Variants in GPBP1 observed in about 807,000 individuals in gnomAD.
GPBP1 encodes the protein vasculin.
In GPBP1, 13 loss-of-function variants were observed where a neutral mutation model predicts 56.5. That is an observed-to-expected ratio of 0.23 (90% CI 0.15 to 0.37). The LOEUF is 0.37. GPBP1 is among the 10% of genes least tolerant of loss of function. The pLI is 1.00. For missense variants in GPBP1, 477 were observed against 572.3 expected (o/e 0.83, Z 1.70); for synonymous variants, 204 against 188.9 (o/e 1.08, Z -0.66).
intron 2 of GPBP1, among the ~76,000 whole-genome samples, chr5:57,196,620 C>T (rs909057174): frequency 3.3e-5 from 5 of 152,070 alleles, no homozygotes; most frequent in African/African-American, 4.8e-5. Context: ...GACAAGGTCT[C>T]GCTCTGTCTT....
intron 2 of GPBP1, among the ~76,000 whole-genome samples, chr5:57,190,492 G>A (rs1425006481): frequency 6.6e-6 from 1 of 151,710 alleles, no homozygotes; most frequent in Admixed American, 6.6e-5. Context: ...GCTGAGGCGG[G>A]AGAACCACTT....
intron 5 of GPBP1, among the ~76,000 whole-genome samples, chr5:57,232,995 T>A (rs1456289093): frequency 6.6e-6 from 1 of 152,118 alleles, no homozygotes; most frequent in Non-Finnish European, 1.5e-5. Flanking sequence ...TGAATGGAAT[T>A]TTTGCAGGTC....
intron 3 of GPBP1, among the ~76,000 whole-genome samples, chr5:57,220,499 G>T (rs954371139): frequency 8.9e-5 from 13 of 146,344 alleles, no homozygotes; most frequent in African/African-American, 3.0e-4. Flanking sequence ...TCGCTCTGTC[G>T]CCCAAGCTGG....
intron 3 of GPBP1, among the ~76,000 whole-genome samples, chr5:57,218,900 A>G (rs768042567): frequency 2.6e-5 from 4 of 152,210 alleles, no homozygotes; most frequent in Non-Finnish European, 5.9e-5. Flanking sequence ...TTAGGGTTTG[A>G]AGATGGATCT....
chr5:57,176,770 T>G lies in GPBP1; in HGVS notation c.-58+370T>G, dbSNP rs143180625. 3.1e-3 allele frequency among the ~76,000 whole-genome samples: 479 copies of G among 152,300 alleles called. 4 individuals carry two copies. The highest frequency in any genetic ancestry group is 0.011 in the African/African-American group (458 of 41,564). Reference sequence around the variant, plus strand: ...TTCACCACGTGTCTTCCTAGCCAGTTTGTATTCTAAATGCGTGTGCCTTGG... The same window carrying G: ...TTCACCACGTGTCTTCCTAGCCAGTGTGTATTCTAAATGCGTGTGCCTTGG... On this transcript the variant is annotated intron_variant, in intron 2 of 11. Transcript: ENST00000506184.
intron 10 of GPBP1, 90 bp downstream of exon 10, chr5:57,251,231 G>T (rs894943830): frequency 1.7e-6 from 2 of 1,148,842 alleles, no homozygotes; most frequent in Non-Finnish European, 2.5e-6. Flanking sequence ...CAGGTTTATT[G>T]GAATACAACT....
chr5:57,184,313 C>T (rs60699979), intron 2 of GPBP1, among the ~76,000 whole-genome samples: 4,086 of 152,140 alleles, frequency 0.027, 119 homozygotes, highest in East Asian at 0.13. Flanking sequence ...GAAGAAACAC[C>T]TGAGACTGGA....
chr5:57,207,338 T>G (rs1755273994), intron 2 of GPBP1, among the ~76,000 whole-genome samples: 1 of 152,196 alleles, frequency 6.6e-6, no homozygotes, highest in South Asian at 2.1e-4. Flanking sequence ...TTTTCTTTTT[T>G]GAAATAGTGA....
At chr5:57,254,708 A>G (rs945996266) in intron 10 of GPBP1, among the ~76,000 whole-genome samples, 1 of 152,242 alleles carries the variant, frequency 6.6e-6, no homozygotes, top group Middle Eastern at 3.4e-3. Context: ...AAAAAAAAAA[A>G]AGAGTAAGTT....
rs375936648 is a variant in GPBP1, at chr5:57,213,302, C to T, written c.-57-772C>T. On this transcript the variant is annotated intron_variant, in intron 2 of 11. Coordinates refer to ENST00000506184, the MANE Select transcript of GPBP1 (RefSeq NM_022913.4). Reference sequence around the variant, plus strand: ...CTGACTTCAGGTGATCTGCCCTCCTCGGCCTCCCAAAGTGCTGGGATGACA... The same window carrying T: ...CTGACTTCAGGTGATCTGCCCTCCTTGGCCTCCCAAAGTGCTGGGATGACA... 9.2e-5 allele frequency among the ~76,000 whole-genome samples: 14 copies of T among 152,206 alleles called. No homozygotes were observed. In the South Asian group the frequency reaches 2.1e-3, roughly 23 times the overall value.
chr5:57,198,113 G>T (rs571597368), intron 2 of GPBP1, among the ~76,000 whole-genome samples: 9 of 152,154 alleles, frequency 5.9e-5, no homozygotes, highest in Middle Eastern at 3.4e-3. Flanking sequence ...AAATTTTTCA[G>T]TTACTTCTTT....
chr5:57,202,075 C>T (rs1382658376), intron 2 of GPBP1, among the ~76,000 whole-genome samples: 2 of 152,120 alleles, frequency 1.3e-5, no homozygotes, highest in East Asian at 3.8e-4. Flanking sequence ...CTCACTGTAG[C>T]CTTGACTTCC....
chr5:57,196,610 G>A (rs1754757642), intron 2 of GPBP1, among the ~76,000 whole-genome samples: 1 of 151,962 alleles, frequency 6.6e-6, no homozygotes, highest in South Asian at 2.1e-4. Flanking sequence ...TATTTTTGGA[G>A]ACAAGGTCTC....
At chr5:57,209,778 G>A (rs1374620553) in intron 2 of GPBP1, among the ~76,000 whole-genome samples, 1 of 152,154 alleles carries the variant, frequency 6.6e-6, no homozygotes, top group Non-Finnish European at 1.5e-5. Flanking sequence ...TGTTATTAAT[G>A]TGGTGTATTA....
chr5:57,182,265 G>A (rs752546107), intron 2 of GPBP1, among the ~76,000 whole-genome samples: 3 of 152,046 alleles, frequency 2.0e-5, no homozygotes, highest in Non-Finnish European at 4.4e-5. Context: ...TGTATTTTTA[G>A]TAGAGATGGG....
At chr5:57,213,234 A>G (rs1157240563) in intron 2 of GPBP1, among the ~76,000 whole-genome samples, 2 of 151,936 alleles carry the variant, frequency 1.3e-5, no homozygotes, top group South Asian at 2.1e-4. Context: ...TTATTTTAGT[A>G]GAGATGGGGT....
At chr5:57,234,563 C>G (rs866329713) in intron 5 of GPBP1, among the ~76,000 whole-genome samples, 1 of 152,118 alleles carries the variant, frequency 6.6e-6, no homozygotes, top group Middle Eastern at 3.4e-3. Context: ...CATAGCAAGA[C>G]CCATTATCTA....
chr5:57,231,686 A>C (rs917342666), intron 5 of GPBP1, among the ~76,000 whole-genome samples: 2 of 152,232 alleles, frequency 1.3e-5, no homozygotes, highest in African/African-American at 2.4e-5. Context: ...CATTCTTGAT[A>C]ATTTAAAAGC....
intron 2 of GPBP1, among the ~76,000 whole-genome samples, chr5:57,201,139 T>C (rs1318324180): frequency 1.3e-5 from 2 of 152,190 alleles, no homozygotes; most frequent in Non-Finnish European, 2.9e-5. Context: ...CCTTGTTTTT[T>C]AAAAAGTTAA....
Sources: allele counts gnomAD v4.1 joint callset (sites outside exome capture counted in the v4.1 genomes callset), GRCh38; gene constraint gnomAD v4.1.1; transcripts MANE v1.5; gene names NCBI Gene and HGNC (gene_info 2026-07-23, HGNC 2026-07-21).